GNE: variants seen among roughly 807,000 people sequenced by gnomAD.
GNE encodes the protein bifunctional UDP-N-acetylglucosamine 2-epimerase/N-acetylmannosamine kinase.
In GNE, 41 loss-of-function variants were observed where a neutral mutation model predicts 61.8. The ratio of observed to expected loss-of-function variants is 0.66; its 90% CI spans 0.52 to 0.86. GNE has a LOEUF of 0.86. Among genes scored for constraint, GNE ranks in the 40% least tolerant of loss-of-function variants. GNE has a pLI of 0.00. For missense variants in GNE, 608 were observed against 909.1 expected, an observed-to-expected ratio of 0.67 and a Z score of 4.26; for synonymous variants, 264 against 326.4, an observed-to-expected ratio of 0.81 and a Z score of 2.06.
intron 2 of GNE, among the ~76,000 whole-genome samples, chr9:36,248,660 A>G (rs1457219192): frequency 1.3e-5 from 2 of 152,092 alleles, no homozygotes; most frequent in Admixed American, 6.6e-5. Context: ...GTGATTAATA[A>G]CAAACCTAAT....
intron 5 of GNE, among the ~76,000 whole-genome samples, chr9:36,230,176 C>G (rs573189390): frequency 6.6e-6 from 1 of 152,326 alleles, no homozygotes; most frequent in South Asian, 2.1e-4. Context: ...CTCCTGACCT[C>G]AAGTGATCCA....
chr9:36,259,161 T>C (rs1830527671), upstream of GNE, among the ~76,000 whole-genome samples: 1 of 152,208 alleles, frequency 6.6e-6, no homozygotes, highest in Non-Finnish European at 1.5e-5. Flanking sequence ...CAAGCCATCT[T>C]TTCTGGCTTC....
In GNE at chr9:36,217,502, T is replaced by C; in HGVS notation, c.2032A>G (p.Ile678Val). Reference protein sequence around the residue: ...SGVLASHYIHIVKDVIRQQAL... With the variant: ...SGVLASHYIHVVKDVIRQQAL... ...TGCTGGCGAATGACGTCTTTGACAA[T>C]GTGGATATAGTGACTGGCCAGGACT... Residue 678 changes from isoleucine to valine, a missense_variant, in exon 12 of 12, where the codon ATT becomes GTT. Transcript: ENST00000642385. 1 of 1,613,934 alleles carries C rather than the reference T, an allele frequency of 6.2e-7. No homozygotes were observed. Among genetic ancestry groups the C allele is most frequent in the Middle Eastern group, 1.6e-4 (1 of 6,062 alleles).
chr9:36,233,017 G>A (rs374784338), intron 5 of GNE, among the ~76,000 whole-genome samples: 1 of 152,182 alleles, frequency 6.6e-6, no homozygotes, highest in African/African-American at 2.4e-5. Context: ...CAGAAAGGTG[G>A]CAATTATGAA....
intron 3 of GNE, among the ~76,000 whole-genome samples, chr9:36,237,545 A>C (rs962804539): frequency 1.8e-4 from 27 of 152,228 alleles, no homozygotes; most frequent in Non-Finnish European, 3.8e-4. Flanking sequence ...AAAAATTTAA[A>C]AGGTAAAAAG....
At position 36,229,757 on chromosome 9, in the gene GNE, G is replaced by A. The variant is rs565388363; in HGVS notation, c.983-649C>T. Among the ~76,000 whole-genome samples, 5 of 152,204 alleles carry A rather than the reference G, an allele frequency of 3.3e-5. No individual in the cohort carries two copies. In the South Asian group the frequency reaches 1.0e-3, roughly 32 times the overall value. On this transcript the variant is annotated intron_variant, in intron 5 of 11. Transcript: ENST00000642385. The stretch of plus-strand genomic sequence containing the variant: ...TCCCTGAGAAGGCAGGAGTGGTTGG[G>A]ATTGAAAACACAGGTAGAAGGATGG...
upstream of GNE, among the ~76,000 whole-genome samples, chr9:36,259,555 C>T (rs1830538057): frequency 1.3e-5 from 2 of 152,216 alleles, no homozygotes; most frequent in Admixed American, 1.3e-4. Context: ...CTTATGAACT[C>T]TTAGTTCTCC....
intron 2 of GNE, among the ~76,000 whole-genome samples, chr9:36,247,069 T>A (rs1342040834): frequency 6.7e-6 from 1 of 149,550 alleles, no homozygotes; most frequent in Admixed American, 6.7e-5. Context: ...TTTTTTTTAT[T>A]TTTTTGAGAC....
At chr9:36,245,620 G>A (rs1443401046) in intron 3 of GNE, among the ~76,000 whole-genome samples, 1 of 152,088 alleles carries the variant, frequency 6.6e-6, no homozygotes, top group East Asian at 1.9e-4. Context: ...GATGCAGTGA[G>A]CCAAGATCAC....
chr9:36,229,015 A>T lies in GNE; in HGVS notation c.1070+6T>A, dbSNP rs753133855. Reference sequence around the variant, plus strand: ...AATCACTCAACAAAGAATGTTTTATACTCACCAAGGGTACTGTTTACCAAA... The same window carrying T: ...AATCACTCAACAAAGAATGTTTTATTCTCACCAAGGGTACTGTTTACCAAA... On this transcript the variant is annotated splice_donor_region_variant and intron_variant, in intron 6 of 11. Coordinates refer to ENST00000642385, the MANE Select transcript of GNE (RefSeq NM_005476.7). The T allele has an allele frequency of 6.6e-7, 1 of 1,522,336 alleles. No homozygotes were observed. Among genetic ancestry groups the T allele is most frequent in the South Asian group, 1.1e-5 (1 of 89,156 alleles). The allele number at this position is 1,522,336 out of a possible 1,614,324, so 94.3% of individuals were successfully genotyped here.
At chr9:36,266,419 G>A (rs955277119) in intron 1 of GNE, among the ~76,000 whole-genome samples, 1 of 152,224 alleles carries the variant, frequency 6.6e-6, no homozygotes, top group Non-Finnish European at 1.5e-5. Flanking sequence ...AGCCTTATGA[G>A]GCTACACTAC....
chr9:36,246,547 A>G, intron 2 of GNE, 65 bp from the exon 3 acceptor site: 1 of 1,084,038 alleles, frequency 9.2e-7, no homozygotes, highest in Admixed American at 1.8e-5. Flanking sequence ...AACATGCAAG[A>G]AAAGCAATCT....
upstream of GNE, among the ~76,000 whole-genome samples, chr9:36,259,363 A>G (rs1184881580): frequency 2.0e-5 from 3 of 150,210 alleles, no homozygotes; most frequent in African/African-American, 4.9e-5. Context: ...GAAACTTTGA[A>G]TGAAGTTGAT....
chr9:36,265,349 C>T (rs1052251116), intron 1 of GNE: 3 of 450,126 alleles, frequency 6.7e-6, no homozygotes, highest in Admixed American at 4.7e-5. Context: ...GGAAGCAACC[C>T]GCCACCATGT....
intron 1 of GNE, among the ~76,000 whole-genome samples, chr9:36,256,753 C>T (rs955200082): frequency 2.6e-5 from 4 of 152,180 alleles, no homozygotes; most frequent in Admixed American, 6.5e-5. Context: ...GAGGAAACAA[C>T]AGTAAACATT....
chr9:36,276,059 A>G (rs6476543), intron 1 of GNE, among the ~76,000 whole-genome samples: 115,939 of 151,960 alleles, frequency 0.76, 44,718 homozygotes, highest in Non-Finnish European at 0.8. Context: ...TGTAGTCCTG[A>G]CTACTTGGGA....
At chr9:36,257,497 T>C (rs1190506006) in intron 1 of GNE, among the ~76,000 whole-genome samples, 1 of 151,630 alleles carries the variant, frequency 6.6e-6, no homozygotes, top group Non-Finnish European at 1.5e-5. Flanking sequence ...TCTAACAATT[T>C]TACAAGCGTA....
rs1563930168 is a variant in GNE at position 36,222,871 on chromosome 9, C to T, written c.1539G>A (p.Trp513Ter). The T allele has an allele frequency of 1.2e-6, 2 of 1,614,150 alleles. No homozygotes were observed. The highest frequency in any genetic ancestry group is 1.7e-6 in the Non-Finnish European group (2 of 1,180,024). ...PLSDTLHLPV[W>*]VDNDGNCAAL... ...CAGCACAGTTGCCATCATTGTCTAC[C>T]CACACAGGGAGATGCAAAGTGTCAG... The change falls in exon 9 of 12, where the codon TGG (tryptophan) becomes TGA (stop). Residue 513 changes from tryptophan to a stop codon, truncating the protein, a stop_gained. Coordinates refer to ENST00000642385, the MANE Select transcript of GNE (RefSeq NM_005476.7). LOFTEE classifies it high-confidence loss of function.
At chr9:36,246,536 T>G in intron 2 of GNE, 54 bp from the exon 3 acceptor site, 1 of 1,297,718 alleles carries the variant, frequency 7.7e-7, no homozygotes, top group Non-Finnish European at 1.1e-6. Flanking sequence ...CACAGAGCCG[T>G]AACATGCAAG....
Sources: allele counts gnomAD v4.1 joint callset (sites outside exome capture counted in the v4.1 genomes callset), GRCh38; gene constraint gnomAD v4.1.1; transcripts MANE v1.5; gene names NCBI Gene and HGNC (gene_info 2026-07-23, HGNC 2026-07-21).